Variants in GNAI1 observed in about 807,000 individuals in gnomAD.
GNAI1 encodes guanine nucleotide-binding protein G(i) subunit alpha-1.
A neutral mutation model predicts 38.9 loss-of-function variants in GNAI1; 11 were observed. That is an observed-to-expected ratio of 0.28 (90% CI 0.18 to 0.47). The LOEUF is 0.47. Among genes scored for constraint, GNAI1 ranks in the 20% least tolerant of loss-of-function variants. The pLI, the probability that GNAI1 is intolerant of heterozygous loss-of-function variation, is 0.99. For missense variants in GNAI1, 317 were observed against 436.9 expected (o/e 0.73, Z 2.45); for synonymous variants, 166 against 145.1 (o/e 1.14, Z -1.04).
chr7:80,167,593 G>A (rs1364782331), intron 1 of GNAI1, among the ~76,000 whole-genome samples: 1 of 152,068 alleles, frequency 6.6e-6, no homozygotes, highest in Non-Finnish European at 1.5e-5. Context: ...ATATATTAGA[G>A]AAATAAAAGT....
chr7:80,186,221 CAG>C (rs1029028932), intron 1 of GNAI1, among the ~76,000 whole-genome samples: 7 of 151,902 alleles, frequency 4.6e-5, no homozygotes, highest in African/African-American at 1.7e-4. Context: ...TTAGTAGAGA[CAG>C]GATTTCACCA....
intron 3 of GNAI1, among the ~76,000 whole-genome samples, chr7:80,191,750 T>A (rs1788484083): frequency 6.6e-6 from 1 of 152,190 alleles, no homozygotes; most frequent in Non-Finnish European, 1.5e-5. Context: ...GTATTAACCC[T>A]GAGTTGAAGG....
At chr7:80,209,264 T>C (rs189070910) in intron 5 of GNAI1, among the ~76,000 whole-genome samples, 22 of 152,240 alleles carry the variant, frequency 1.4e-4, no homozygotes, top group Non-Finnish European at 2.2e-4. Context: ...GCAGATCCAG[T>C]AGGTTATGTT....
intron 3 of GNAI1, among the ~76,000 whole-genome samples, chr7:80,189,809 T>C (rs549143710): frequency 6.6e-6 from 1 of 152,184 alleles, no homozygotes; most frequent in Admixed American, 6.5e-5. Context: ...ACCCAGGAAA[T>C]TACATGGTAC....
At chr7:80,213,238 A>G (rs974006433) in intron 7 of GNAI1, among the ~76,000 whole-genome samples, 13 of 152,210 alleles carry the variant, frequency 8.5e-5, no homozygotes, top group African/African-American at 3.1e-4. Flanking sequence ...ACAACAGGCA[A>G]TAGCAGTGCA....
At chr7:80,161,562 G>A (rs933502519) in intron 1 of GNAI1, among the ~76,000 whole-genome samples, 20 of 152,136 alleles carry the variant, frequency 1.3e-4, no homozygotes, top group African/African-American at 4.8e-4. Context: ...GTCAAACAAA[G>A]AATTTCTTTA....
intron 1 of GNAI1, among the ~76,000 whole-genome samples, chr7:80,152,455 A>G (rs975680367): frequency 6.6e-6 from 1 of 152,146 alleles, no homozygotes; most frequent in African/African-American, 2.4e-5. Flanking sequence ...GGGGAAACTA[A>G]GTTATGCATA....
chr7:80,193,482 A>C (rs2115649091), intron 3 of GNAI1, among the ~76,000 whole-genome samples: 1 of 152,316 alleles, frequency 6.6e-6, no homozygotes, highest in Non-Finnish European at 1.5e-5. Flanking sequence ...ATATCATTTC[A>C]CAGCTTTCGT....
rs1315301615 is a variant in GNAI1 at position 80,217,530 on chromosome 7, A to G, written c.*37A>G. ...CATGGTAAAATGCATTTTCAAACCA[A>G]ATGAGTACTTATATATGGATCTCTG... On this transcript the variant is annotated 3_prime_UTR_variant, in exon 8 of 8. Coordinates refer to ENST00000649796, the MANE Select transcript of GNAI1 (RefSeq NM_002069.6). The G allele has an allele frequency of 4.9e-6, 6 of 1,215,904 alleles. No homozygotes were observed. The highest frequency in any genetic ancestry group is 1.2e-6 in the Non-Finnish European group (1 of 846,412). 75.3% of individuals were successfully genotyped at this position (1,215,904 alleles called of 1,614,324 possible).
At chr7:80,211,170 AATGTCT>A in intron 6 of GNAI1, 72 bp downstream of exon 6, 1 of 1,346,134 alleles carries the variant, frequency 7.4e-7, no homozygotes, top group Non-Finnish European at 1.0e-6. Context: ...ATTTCTTTCT[AATGTCT>A]ATAACAATTT....
chr7:80,177,273 A>G (rs1021602512), intron 1 of GNAI1, among the ~76,000 whole-genome samples: 4 of 151,256 alleles, frequency 2.6e-5, no homozygotes, highest in Admixed American at 6.6e-5. Flanking sequence ...CTTGTGATCC[A>G]CCCGCCTCAG....
chr7:80,208,039 T>C (rs953233657), intron 5 of GNAI1, among the ~76,000 whole-genome samples: 49 of 152,268 alleles, frequency 3.2e-4, no homozygotes, highest in African/African-American at 1.2e-3. Context: ...ATCCAGTTTA[T>C]GAGTTTGATA....
chr7:80,177,719 T>C (rs1295030365), intron 1 of GNAI1, among the ~76,000 whole-genome samples: 1 of 152,234 alleles, frequency 6.6e-6, no homozygotes, highest in African/African-American at 2.4e-5. Flanking sequence ...CCTGAAGCTA[T>C]TCTCCTGACT....
chr7:80,164,728 TG>T (rs2116139601), intron 1 of GNAI1, among the ~76,000 whole-genome samples: 1 of 152,314 alleles, frequency 6.6e-6, no homozygotes, highest in East Asian at 1.9e-4. Context: ...TCTTTTAATT[TG>T]GGGCATTTAT....
chr7:80,136,174 A>C (rs1054410042), intron 1 of GNAI1: 1 of 401,630 alleles, frequency 2.5e-6, no homozygotes, highest in Non-Finnish European at 3.4e-6. Flanking sequence ...TAAAGAGTAA[A>C]CCAGGGTTTT....
Position 80,219,059 on chromosome 7 carries a change from G to GTGTGTGTGTA in GNAI1, c.*1567_*1568insGTGTGTGTAT, listed in dbSNP as rs1491060762. The GTGTGTGTGTA allele has an allele frequency of 1.3e-5, 2 of 151,424 alleles. No individual in the cohort carries two copies. The highest frequency in any genetic ancestry group is 1.3e-4 in the Admixed American group (2 of 15,196). The allele number at this position is 151,424 out of a possible 1,614,324, so 9.4% of individuals were successfully genotyped here. ...TGTGTGTGTGTGTGTGTGTGTGTGT[G>GTGTGTGTGTA]TAACCATAAACTATATTCATATCTG... On this transcript the variant is annotated 3_prime_UTR_variant, in exon 8 of 8. Transcript: ENST00000649796.
rs1465413503 is a variant in GNAI1 at position 80,150,136 on chromosome 7, C to G, written c.118+14858C>G. Among the ~76,000 whole-genome samples, 3 of 152,114 alleles carry G rather than the reference C, an allele frequency of 2.0e-5. No homozygotes were observed. The East Asian group carries it at 5.8e-4, about 29-fold the overall frequency. On this transcript the variant is annotated intron_variant, in intron 1 of 7. Transcript: ENST00000649796. ...AATTTTGGGTAAAGCTTTATCAATA[C>G]TTAGTAAAGGTTACATACCTTTGAA...
chr7:80,155,022 A>G (rs1787794658), intron 1 of GNAI1, among the ~76,000 whole-genome samples: 1 of 152,164 alleles, frequency 6.6e-6, no homozygotes, highest in African/African-American at 2.4e-5. Flanking sequence ...AAATAAAATA[A>G]TACATTGCTT....
At position 80,218,036 on chromosome 7, in the gene GNAI1, C is replaced by T. The variant is rs1138801; in HGVS notation, c.*543C>T. 1.3e-5 allele frequency: 2 copies of T among 152,542 alleles called. No individual in the cohort carries two copies. Among genetic ancestry groups the T allele is most frequent in the Admixed American group, 1.3e-4 (2 of 15,272 alleles). 9.4% of individuals were successfully genotyped at this position (152,542 alleles called of 1,614,324 possible). On this transcript the variant is annotated 3_prime_UTR_variant, in exon 8 of 8. Coordinates refer to ENST00000649796, the MANE Select transcript of GNAI1 (RefSeq NM_002069.6). Reference sequence around the variant, plus strand: ...TGTATTAATAAAAATGTTATTTGTACAAACATTGCACAGACTATTTTAATA... The same window carrying T: ...TGTATTAATAAAAATGTTATTTGTATAAACATTGCACAGACTATTTTAATA...
Sources: gnomAD v4.1 joint callset for allele counts (sites outside exome capture counted in the v4.1 genomes callset) on GRCh38, gnomAD v4.1.1 for gene constraint, MANE v1.5 for transcripts, NCBI Gene and HGNC (gene_info 2026-07-23, HGNC 2026-07-21) for gene names.